PDE6A: variants seen among roughly 807,000 people sequenced by gnomAD.
PDE6A encodes the protein rod cGMP-specific 3',5'-cyclic phosphodiesterase subunit alpha.
Under a neutral mutation model 106.3 loss-of-function variants are expected in PDE6A, and 84 were observed. The ratio of observed to expected loss-of-function variants is 0.79; its 90% CI spans 0.66 to 0.95. PDE6A has a LOEUF of 0.95. Among genes scored for constraint, PDE6A ranks in the 40% least tolerant of loss-of-function variants. The probability of loss-of-function intolerance (pLI) is 0.00; values close to 1 mark genes in which losing one functional copy is unlikely to be tolerated. For synonymous variants in PDE6A, 394 were observed against 386.6 expected (o/e 1.02, Z -0.23); for missense variants, 1,052 against 1,084.9 (o/e 0.97, Z 0.43).
chr5:149,889,081 C>CAAAAAAAAAAAAAAAAAAAAAA (rs568428704), intron 13 of PDE6A, among the ~76,000 whole-genome samples: 25 of 61,522 alleles, frequency 4.1e-4, no homozygotes, highest in African/African-American at 8.5e-4. Flanking sequence ...GACTCTGTCT[C>CAAAAAAAAAAAAAAAAAAAAAA]AAAAAAAAAA....
intron 13 of PDE6A, among the ~76,000 whole-genome samples, chr5:149,891,129 A>G (rs1166303567): frequency 6.6e-6 from 1 of 152,192 alleles, no homozygotes; most frequent in Non-Finnish European, 1.5e-5. Context: ...GGAAGAGATA[A>G]AATGACAGAA....
Position 149,886,260 on chromosome 5 carries a change from C to T in PDE6A, c.1838+5G>A. 6.2e-7 allele frequency: 1 copy of T among 1,601,044 alleles called. No individual in the cohort carries two copies. Among genetic ancestry groups the T allele is most frequent in the African/African-American group, 1.3e-5 (1 of 74,822 alleles). ...GGTTGGGTGTGGGGAGGGAGGCTGA[C>T]TCACTTCATCTGGTAGAGGTTATTG... On this transcript the variant is annotated splice_donor_5th_base_variant and intron_variant, in intron 14 of 21. Transcript: ENST00000255266.
At chr5:149,940,540 C>T (rs960254279) in intron 1 of PDE6A, among the ~76,000 whole-genome samples, 1 of 132,390 alleles carries the variant, frequency 7.6e-6, no homozygotes, top group African/African-American at 3.0e-5. Context: ...TCTTGTTGCC[C>T]AGTCTGGAGT....
At chr5:149,896,884 G>A (rs1752775369) in intron 10 of PDE6A, 108 bp from the exon 11 acceptor site, 2 of 1,193,910 alleles carry the variant, frequency 1.7e-6, no homozygotes, top group Admixed American at 1.7e-5. Context: ...AGAACCACCA[G>A]CTCAAAGAGG....
chr5:149,881,521 CACTT>C (rs1185484383), intron 17 of PDE6A, among the ~76,000 whole-genome samples: 3 of 152,294 alleles, frequency 2.0e-5, no homozygotes, highest in South Asian at 2.1e-4. Flanking sequence ...TGCATATTCT[CACTT>C]ACAGGTGTGA....
At chr5:149,885,469 G>A (rs575924004) in intron 14 of PDE6A, among the ~76,000 whole-genome samples, 17 of 152,218 alleles carry the variant, frequency 1.1e-4, no homozygotes, top group Non-Finnish European at 1.8e-4. Context: ...CAAGGACTAT[G>A]CTTTATGGGC....
chr5:149,871,124 G>T (rs1476697321), intron 17 of PDE6A, among the ~76,000 whole-genome samples: 1 of 152,122 alleles, frequency 6.6e-6, no homozygotes, highest in Non-Finnish European at 1.5e-5. Flanking sequence ...CCTTTAATAT[G>T]ATGCTATTAG....
At chr5:149,917,313 A>T (rs528288232) in intron 5 of PDE6A, among the ~76,000 whole-genome samples, 1 of 152,264 alleles carries the variant, frequency 6.6e-6, no homozygotes, top group African/African-American at 2.4e-5. Flanking sequence ...AGAAAAACCA[A>T]ACTGTTCCTT....
chr5:149,912,935 C>T (rs1753431181), intron 6 of PDE6A, among the ~76,000 whole-genome samples: 1 of 151,870 alleles, frequency 6.6e-6, no homozygotes, highest in South Asian at 2.1e-4. Flanking sequence ...CAGAGACAAA[C>T]AGAAAATTGC....
Position 149,920,940 on chromosome 5 carries a change from G to GAAA in PDE6A, c.933+692_933+694dup, listed in dbSNP as rs144739768. 8.0e-5 allele frequency among the ~76,000 whole-genome samples: 3 copies of GAAA among 37,360 alleles called. 1 individual carries two copies. The highest frequency in any genetic ancestry group is 3.3e-4 in the Admixed American group (1 of 3,064). The allele number at this position is 37,360 out of a possible 152,430, so 24.5% of individuals were successfully genotyped here. A position where few individuals can be genotyped will look rare whatever the true frequency, so the allele number is the denominator to read the frequency against. ...AAGAAAGAAGAAAGAGAGAAAGAGA[G>GAAA]AAAAAGAAAGAAAGAAAGAAAGAAA... On this transcript the variant is annotated intron_variant, in intron 5 of 21. Coordinates refer to ENST00000255266, the MANE Select transcript of PDE6A (RefSeq NM_000440.3).
At chr5:149,882,775 G>A (rs1030776662) in intron 17 of PDE6A, among the ~76,000 whole-genome samples, 6 of 151,714 alleles carry the variant, frequency 4.0e-5, no homozygotes, top group Admixed American at 1.3e-4. Context: ...ACTTTAATTC[G>A]GGCCGGGCAT....
chr5:149,882,466 C>T (rs949074895), intron 17 of PDE6A, among the ~76,000 whole-genome samples: 56 of 152,038 alleles, frequency 3.7e-4, no homozygotes, highest in African/African-American at 1.3e-3. Flanking sequence ...ACAGAGGAGC[C>T]AGGGGACCAT....
chr5:149,912,165 G>C (rs1195608846), intron 6 of PDE6A, among the ~76,000 whole-genome samples: 1 of 151,920 alleles, frequency 6.6e-6, no homozygotes, highest in African/African-American at 2.4e-5. Flanking sequence ...GGAGTACAGT[G>C]GCTATTCACA....
chr5:149,944,674 G>A lies in PDE6A; in HGVS notation c.-1C>T, dbSNP rs1754419284. 1 of 1,602,702 alleles carries A rather than the reference G, an allele frequency of 6.2e-7. No individual in the cohort carries two copies. Among genetic ancestry groups the A allele is most frequent in the Non-Finnish European group, 8.5e-7 (1 of 1,174,944 alleles). Reference sequence around the variant, plus strand: ...CCTCCTCTGCTGTCACCTCGCCCATGGCTGGGAATCCCACTGGCTACTCTG... The same window carrying A: ...CCTCCTCTGCTGTCACCTCGCCCATAGCTGGGAATCCCACTGGCTACTCTG... On this transcript the variant is annotated 5_prime_UTR_variant, in exon 1 of 22. Transcript: ENST00000255266.
chr5:149,892,518 G>A (rs1255402033), intron 13 of PDE6A, among the ~76,000 whole-genome samples: 24 of 137,806 alleles, frequency 1.7e-4, no homozygotes, highest in Non-Finnish European at 1.5e-5. Context: ...TTGAGACAAT[G>A]ATTCACTCTG....
At chr5:149,889,081 C>CAAAAAAAA (rs568428704) in intron 13 of PDE6A, among the ~76,000 whole-genome samples, 5 of 61,564 alleles carry the variant, frequency 8.1e-5, no homozygotes, top group Non-Finnish European at 1.2e-4. Flanking sequence ...GACTCTGTCT[C>CAAAAAAAA]AAAAAAAAAA....
chr5:149,892,324 A>G lies in PDE6A; in HGVS notation c.1728+2859T>C, dbSNP rs113281538. Among the ~76,000 whole-genome samples, 279 of 152,232 alleles carry G rather than the reference A, an allele frequency of 1.8e-3. 1 individual carries two copies. Among genetic ancestry groups the G allele is most frequent in the African/African-American group, 6.4e-3 (265 of 41,554 alleles). ...GAGTAGGAGCTCAAATCAAAAAAAAAACTTAAAAAAATGTTTTTCCCTTGT... is the reference window on the plus strand; with the variant it reads ...GAGTAGGAGCTCAAATCAAAAAAAAGACTTAAAAAAATGTTTTTCCCTTGT... On this transcript the variant is annotated intron_variant, in intron 13 of 21. Coordinates refer to ENST00000255266, the MANE Select transcript of PDE6A (RefSeq NM_000440.3).
chr5:149,898,620 G>A (rs1752847238), intron 9 of PDE6A, 114 bp from the exon 10 acceptor site: 2 of 1,080,572 alleles, frequency 1.9e-6, no homozygotes, highest in African/African-American at 1.6e-5. Context: ...AAATGGGTTT[G>A]ATAAGCTGTG....
chr5:149,868,152 C>CA lies in PDE6A; in HGVS notation c.2141dup (p.Met714IlefsTer7). On this transcript the variant is annotated frameshift_variant, in exon 18 of 22. Transcript: ENST00000255266. LOFTEE classifies it high-confidence loss of function. Reference sequence around the variant, plus strand: ...CTGAGAGATCACAGGCGGTCATCATCATGGCCCTGGGCACACAGGACACCC... The same window carrying CA: ...CTGAGAGATCACAGGCGGTCATCATCAATGGCCCTGGGCACACAGGACACCC... 6.2e-7 allele frequency: 1 copy of CA among 1,614,192 alleles called. No individual in the cohort carries two copies. The highest frequency in any genetic ancestry group is 8.5e-7 in the Non-Finnish European group (1 of 1,180,028).
Sources: gnomAD v4.1 joint callset for allele counts (sites outside exome capture counted in the v4.1 genomes callset) on GRCh38, gnomAD v4.1.1 for gene constraint, MANE v1.5 for transcripts, NCBI Gene and HGNC (gene_info 2026-07-23, HGNC 2026-07-21) for gene names.